Variants in CNTNAP2 observed in about 807,000 individuals in gnomAD.
CNTNAP2 encodes contactin associated protein 2.
CNTNAP2 carries 98 observed loss-of-function variants against 155.2 expected under a neutral mutation model. The observed-to-expected ratio is 0.63, with a 90% confidence interval of 0.54 to 0.75. The LOEUF is 0.75. Among genes scored for constraint, CNTNAP2 ranks in the 30% least tolerant of loss-of-function variants. The pLI, the probability that CNTNAP2 is intolerant of heterozygous loss-of-function variation, is 0.00. For missense variants in CNTNAP2, 1,727 were observed against 1,688.1 expected (o/e 1.02, Z -0.40); for synonymous variants, 651 against 631.2 (o/e 1.03, Z -0.47).
In CNTNAP2 at chr7:148,415,874, A is replaced by G. The variant is rs1799975617; in HGVS notation, c.*258A>G. On this transcript the variant is annotated 3_prime_UTR_variant, in exon 24 of 24. Coordinates refer to ENST00000361727, the MANE Select transcript of CNTNAP2 (RefSeq NM_014141.6). ...CAAAAAATGCTTTTAGAGTTTAAGC[A>G]ATGGTTGAAATTTGTAGGTACTATC... 1.4e-5 allele frequency: 8 copies of G among 572,164 alleles called. No homozygotes were observed. The East Asian group carries it at 2.0e-4, about 15-fold the overall frequency. 35.4% of individuals were successfully genotyped at this position (572,164 alleles called of 1,614,324 possible).
intron 1 of CNTNAP2, among the ~76,000 whole-genome samples, chr7:146,322,479 A>G (rs1238427137): frequency 6.6e-6 from 1 of 152,086 alleles, no homozygotes; most frequent in East Asian, 1.9e-4. Flanking sequence ...GTTTTCTTCC[A>G]GGTATTGTTG....
chr7:146,608,653 C>T (rs1799085842), intron 1 of CNTNAP2, among the ~76,000 whole-genome samples: 1 of 152,054 alleles, frequency 6.6e-6, no homozygotes, highest in African/African-American at 2.4e-5. Context: ...TCTTTTTGTG[C>T]TACTAAAATT....
chr7:147,685,138 A>G (rs918454910), intron 13 of CNTNAP2, among the ~76,000 whole-genome samples: 5 of 151,994 alleles, frequency 3.3e-5, no homozygotes, highest in African/African-American at 1.2e-4. Context: ...GCAGTGAGGA[A>G]ATTTTCCCCT....
chr7:147,580,908 G>T (rs1474378665), intron 12 of CNTNAP2, among the ~76,000 whole-genome samples: 2 of 152,148 alleles, frequency 1.3e-5, no homozygotes, highest in South Asian at 2.1e-4. Context: ...GAGCCAGTGC[G>T]CTCAGCCCAT....
intron 1 of CNTNAP2, among the ~76,000 whole-genome samples, chr7:146,385,023 T>C (rs1795440724): frequency 6.6e-6 from 1 of 152,172 alleles, no homozygotes; most frequent in South Asian, 2.1e-4. Context: ...CTTATTTGTA[T>C]AGTCACTAGA....
chr7:147,503,322 G>A (rs1584775952), intron 11 of CNTNAP2, among the ~76,000 whole-genome samples: 2 of 152,044 alleles, frequency 1.3e-5, no homozygotes, highest in Admixed American at 1.3e-4. Context: ...CCTTTCTCTT[G>A]TAAAGACACC....
At chr7:148,414,285 G>T (rs1799927968) in intron 23 of CNTNAP2, among the ~76,000 whole-genome samples, 2 of 152,014 alleles carry the variant, frequency 1.3e-5, no homozygotes, top group Admixed American at 6.5e-5. Flanking sequence ...TCACCATGTT[G>T]CCCAGGCTGG....
At chr7:147,653,429 G>T (rs995352742) in intron 13 of CNTNAP2, among the ~76,000 whole-genome samples, 5 of 152,118 alleles carry the variant, frequency 3.3e-5, no homozygotes, top group African/African-American at 7.2e-5. Context: ...GGCAGCACCT[G>T]GGGGGATGAA....
chr7:147,374,240 C>T (rs576132028), intron 9 of CNTNAP2, among the ~76,000 whole-genome samples: 13 of 152,072 alleles, frequency 8.5e-5, no homozygotes, highest in South Asian at 2.1e-4. Flanking sequence ...AAGCAACTAA[C>T]GTTATAGCCT....
At chr7:148,054,411 CT>C (rs2116499663) in intron 15 of CNTNAP2, among the ~76,000 whole-genome samples, 1 of 145,668 alleles carries the variant, frequency 6.9e-6, no homozygotes, top group East Asian at 2.0e-4. Context: ...CTATACAGTC[CT>C]TAAAGAATCT....
At chr7:148,353,333 G>T (rs1024597072) in intron 21 of CNTNAP2, among the ~76,000 whole-genome samples, 1 of 152,166 alleles carries the variant, frequency 6.6e-6, no homozygotes, top group Non-Finnish European at 1.5e-5. Context: ...GGTTCATACT[G>T]GATTATGCAA....
intron 12 of CNTNAP2, among the ~76,000 whole-genome samples, chr7:147,564,140 A>G (rs12537820): frequency 6.6e-6 from 1 of 151,834 alleles, no homozygotes; most frequent in African/African-American, 2.4e-5. Flanking sequence ...ACTGCACTCC[A>G]GTCTAAAAGA....
intron 16 of CNTNAP2, among the ~76,000 whole-genome samples, chr7:148,118,930 C>T (rs1804537106): frequency 6.6e-6 from 1 of 152,160 alleles, no homozygotes; most frequent in Non-Finnish European, 1.5e-5. Context: ...CCTAAGGGGG[C>T]GTTCAGGCTT....
intron 15 of CNTNAP2, among the ~76,000 whole-genome samples, chr7:147,983,231 G>C (rs919138821): frequency 1.3e-5 from 2 of 152,080 alleles, no homozygotes; most frequent in African/African-American, 4.8e-5. Context: ...GGTTCAGGAA[G>C]CAATTCTCCT....
At chr7:146,554,021 AGTT>A (rs1798159868) in intron 1 of CNTNAP2, among the ~76,000 whole-genome samples, 1 of 152,212 alleles carries the variant, frequency 6.6e-6, no homozygotes, top group Non-Finnish European at 1.5e-5. Context: ...ACAGTTAAAA[AGTT>A]GTTCTTTTGG....
intron 11 of CNTNAP2, among the ~76,000 whole-genome samples, chr7:147,516,895 C>T (rs562344854): frequency 2.6e-4 from 37 of 143,172 alleles, no homozygotes; most frequent in African/African-American, 9.9e-4. Context: ...CATAATCTCG[C>T]TCTGTGCCCA....
intron 21 of CNTNAP2, among the ~76,000 whole-genome samples, chr7:148,296,492 G>T (rs1263242286): frequency 7.5e-6 from 1 of 133,034 alleles, no homozygotes; most frequent in African/African-American, 2.8e-5. Context: ...TTCGCAGTGA[G>T]CCAAGATCAC....
chr7:146,812,445 A>ATATATATATATATATAT (rs1386547927), intron 2 of CNTNAP2, among the ~76,000 whole-genome samples: 14 of 144,550 alleles, frequency 9.7e-5, no homozygotes, highest in African/African-American at 3.3e-4. Flanking sequence ...ATATATAAAA[A>ATATATATATATATATAT]ATATATATAT....
chr7:148,010,539 T>A (rs572356563), intron 15 of CNTNAP2, among the ~76,000 whole-genome samples: 50 of 151,958 alleles, frequency 3.3e-4, no homozygotes, highest in African/African-American at 1.2e-3. Context: ...ATTTTTTTAA[T>A]GGTATAATCT....
Sources: allele counts gnomAD v4.1 joint callset (sites outside exome capture counted in the v4.1 genomes callset), GRCh38; gene constraint gnomAD v4.1.1; transcripts MANE v1.5; gene names NCBI Gene and HGNC (gene_info 2026-07-23, HGNC 2026-07-21).